Variants in SYNPO2 observed in about 807,000 individuals in gnomAD.
SYNPO2 encodes synaptopodin 2, also known as synaptopodin-2.
A neutral mutation model predicts 85.0 loss-of-function variants in SYNPO2; 56 were observed. The observed-to-expected ratio is 0.66, with a 90% CI of 0.53 to 0.82. The LOEUF (loss-of-function observed/expected upper bound fraction) is 0.82. Among genes scored for constraint, SYNPO2 ranks in the 40% least tolerant of loss-of-function variants. The pLI is 0.00. For missense variants in SYNPO2, 1,575 were observed against 1,534.2 expected (o/e 1.03, Z -0.44); for synonymous variants, 602 against 591.1 (o/e 1.02, Z -0.27).
At chr4:118,900,909 C>G (rs1391338453) in intron 1 of SYNPO2, among the ~76,000 whole-genome samples, 1 of 151,382 alleles carries the variant, frequency 6.6e-6, no homozygotes, top group Non-Finnish European at 1.5e-5. Context: ...GAACTTATCT[C>G]CAGTATCTTT....
intron 1 of SYNPO2, among the ~76,000 whole-genome samples, chr4:118,903,811 A>G (rs1454728331): frequency 6.6e-6 from 1 of 151,922 alleles, no homozygotes; most frequent in African/African-American, 2.4e-5. Context: ...TCCCTGGTTC[A>G]AGTGATTCTC....
Position 119,030,262 on chromosome 4 carries a change from C to T in SYNPO2, c.1487C>T (p.Ala496Val), listed in dbSNP as rs1227639107. The change falls in exon 4 of 5, where the codon GCC becomes GTC. Residue 496 changes from alanine to valine, a missense_variant. Ala to Val is a moderately conservative substitution (Grantham distance 64). This residue lies in a region of SYNPO2 where 1,508 missense variants were observed against 1,446.8 expected (regional missense o/e 1.04). Coordinates refer to ENST00000307142, the MANE Select transcript of SYNPO2 (RefSeq NM_133477.3). ...ACAGGCAAGGGAGCCCTCATGTTTGCCAAGAGGAGGGAGAGAATGGATCAG... is the reference window on the plus strand; with the variant it reads ...ACAGGCAAGGGAGCCCTCATGTTTGTCAAGAGGAGGGAGAGAATGGATCAG... ...DTTGKGALMF[A>V]KRRERMDQIT... The T allele has an allele frequency of 6.2e-7, 1 of 1,613,766 alleles. No individual in the cohort carries two copies. The highest frequency in any genetic ancestry group is 8.5e-7 in the Non-Finnish European group (1 of 1,179,978).
chr4:118,862,421 C>T, intron 1 of SYNPO2, among the ~76,000 whole-genome samples: 1 of 152,142 alleles, frequency 6.6e-6, no homozygotes. Flanking sequence ...AGAGGAAAGA[C>T]CTTCAATTTT....
At chr4:118,879,493 C>T (rs1578514406) in intron 1 of SYNPO2, among the ~76,000 whole-genome samples, 1 of 152,156 alleles carries the variant, frequency 6.6e-6, no homozygotes, top group African/African-American at 2.4e-5. Flanking sequence ...GAGAGATGAT[C>T]TTTCTCTATG....
chr4:118,888,817 G>C (rs1047701649), upstream of SYNPO2: 1 of 572,002 alleles, frequency 1.7e-6, no homozygotes, highest in Admixed American at 3.1e-5. Flanking sequence ...TGGATGCTGC[G>C]AGCGCCTCTG....
Position 119,031,485 on chromosome 4 carries a change from A to G in SYNPO2, c.2710A>G (p.Thr904Ala), listed in dbSNP as rs1738257600. ...CCACGCTGCTCGAGCTCAGTCTCCCACTCCATCTCTCCCGGCCAGTTGGAA... is the reference window on the plus strand; with the variant it reads ...CCACGCTGCTCGAGCTCAGTCTCCCGCTCCATCTCTCCCGGCCAGTTGGAA... The part of the protein sequence containing the change: ...QAHAARAQSP[T>A]PSLPASWKYS... The change falls in exon 4 of 5, where the codon ACT becomes GCT. Residue 904 changes from threonine (T) to alanine (A), a missense_variant. Around this residue, in one of 3 missense-constraint regions of SYNPO2, gnomAD observed 1,508 missense variants for 1,446.8 expected, o/e 1.04. Transcript: ENST00000307142. 3.7e-6 allele frequency: 6 copies of G among 1,613,416 alleles called. No homozygotes were observed. The highest frequency in any genetic ancestry group is 4.2e-6 in the Non-Finnish European group (5 of 1,179,852).
At position 118,856,494 on chromosome 4, in the gene SYNPO2, G is replaced by A. The variant is rs368909801; in HGVS notation, c.12+5554G>A. Among the ~76,000 whole-genome samples, 43 of 152,078 alleles carry A rather than the reference G, an allele frequency of 2.8e-4. No homozygotes were observed. The East Asian group carries it at 4.6e-3, about 16-fold the overall frequency. On this transcript the variant is annotated intron_variant, in intron 1 of 4. Transcript: ENST00000610556. ...ATAAATTACTCCAGATTATTATTTC[G>A]AATATATATGCTATTTTATTTTATT...
chr4:118,892,305 GT>G (rs1463230349), intron 1 of SYNPO2, among the ~76,000 whole-genome samples: 2 of 152,044 alleles, frequency 1.3e-5, no homozygotes, highest in Non-Finnish European at 2.9e-5. Context: ...ACATAAGCTT[GT>G]TTTTAAAATG....
upstream of SYNPO2, among the ~76,000 whole-genome samples, chr4:118,885,137 G>GTGT (rs1732175279): frequency 6.6e-6 from 1 of 152,236 alleles, no homozygotes; most frequent in East Asian, 1.9e-4. Flanking sequence ...ACTTCTGTGT[G>GTGT]TCTGAATCAT....
chr4:118,887,201 G>A (rs1221536219), upstream of SYNPO2, among the ~76,000 whole-genome samples: 1 of 151,158 alleles, frequency 6.6e-6, no homozygotes, highest in Non-Finnish European at 1.5e-5. Flanking sequence ...GTGTGTGTGT[G>A]TGCACCCTCT....
intron 1 of SYNPO2, among the ~76,000 whole-genome samples, chr4:118,979,490 C>T (rs1182792589): frequency 6.6e-6 from 1 of 152,152 alleles, no homozygotes. Context: ...CTATTGGCTG[C>T]CTTATTTTCT....
At chr4:118,869,729 G>A (rs1460788831) in intron 1 of SYNPO2, among the ~76,000 whole-genome samples, 2 of 152,172 alleles carry the variant, frequency 1.3e-5, no homozygotes, top group African/African-American at 4.8e-5. Context: ...CTGGGAGATA[G>A]GACAGCTGAT....
chr4:118,975,335 T>C (rs1735684281), intron 1 of SYNPO2, among the ~76,000 whole-genome samples: 1 of 152,194 alleles, frequency 6.6e-6, no homozygotes, highest in Admixed American at 6.5e-5. Context: ...TGGGCACCTA[T>C]GGCAACAGAA....
chr4:118,923,310 A>T (rs1400429904), intron 1 of SYNPO2, among the ~76,000 whole-genome samples: 1 of 152,100 alleles, frequency 6.6e-6, no homozygotes, highest in Non-Finnish European at 1.5e-5. Flanking sequence ...ACCAAATATC[A>T]TATGTTCCCA....
chr4:118,948,639 C>T (rs945160535), intron 1 of SYNPO2, among the ~76,000 whole-genome samples: 1 of 152,042 alleles, frequency 6.6e-6, no homozygotes, highest in Non-Finnish European at 1.5e-5. Context: ...GGAAGGGGAG[C>T]AGGCATCAAT....
chr4:119,013,467 T>C (rs1419662481), intron 1 of SYNPO2, among the ~76,000 whole-genome samples: 1 of 152,238 alleles, frequency 6.6e-6, no homozygotes, highest in East Asian at 1.9e-4. Context: ...TTTAAATTTA[T>C]GGGACATCAT....
intron 1 of SYNPO2, among the ~76,000 whole-genome samples, chr4:118,892,831 C>T (rs1296903913): frequency 1.3e-5 from 2 of 151,982 alleles, no homozygotes; most frequent in African/African-American, 4.8e-5. Flanking sequence ...ATTGTATAAT[C>T]CTTCATTTCA....
chr4:118,876,669 C>CTT (rs1274912332), intron 1 of SYNPO2, among the ~76,000 whole-genome samples: 1 of 2,978 alleles, frequency 3.4e-4, no homozygotes, highest in East Asian at 6.5e-3. Flanking sequence ...CTTCCTTTCT[C>CTT]TTTCTTTCTT....
intron 4 of SYNPO2, among the ~76,000 whole-genome samples, chr4:119,055,949 A>G (rs1739192151): frequency 6.6e-6 from 1 of 152,212 alleles, no homozygotes; most frequent in Non-Finnish European, 1.5e-5. Context: ...GCCTAAATCC[A>G]GGTATTGATA....
Sources: allele counts gnomAD v4.1 joint callset (sites outside exome capture counted in the v4.1 genomes callset), GRCh38; gene constraint gnomAD v4.1.1; regional missense constraint gnomAD v4.1.1; transcripts MANE v1.5; gene names NCBI Gene and HGNC (gene_info 2026-07-23, HGNC 2026-07-21).